The following TRPM3 variants were observed in gnomAD, a reference collection of about 807,000 sequenced individuals.
TRPM3 encodes the protein long transient receptor potential channel 3.
Under a neutral mutation model 181.2 loss-of-function variants are expected in TRPM3, and 77 were observed. That is an observed-to-expected ratio of 0.42 (90% CI 0.35 to 0.51). The LOEUF (loss-of-function observed/expected upper bound fraction) is 0.51, where lower values mean the gene tolerates loss of function less well. Among genes scored for constraint, TRPM3 ranks in the 20% least tolerant of loss-of-function variants. TRPM3 has a pLI of 0.01. For missense variants in TRPM3, 1,759 were observed against 2,196.7 expected (o/e 0.80, Z 3.98); for synonymous variants, 745 against 796.4 (o/e 0.94, Z 1.09).
At chr9:71,375,029 A>G (rs1028356400) in intron 1 of TRPM3, among the ~76,000 whole-genome samples, 1 of 152,220 alleles carries the variant, frequency 6.6e-6, no homozygotes, top group Non-Finnish European at 1.5e-5. Flanking sequence ...AAAGTAATAT[A>G]TAGATTCCAT....
chr9:70,550,289 TCTC>T (rs776174749), intron 24 of TRPM3, among the ~76,000 whole-genome samples: 2 of 152,140 alleles, frequency 1.3e-5, no homozygotes, highest in East Asian at 1.9e-4. Flanking sequence ...TTTTTCACCT[TCTC>T]CTCTTTTTCC....
intron 18 of TRPM3, among the ~76,000 whole-genome samples, chr9:70,614,990 C>T (rs1394566237): frequency 6.6e-6 from 1 of 152,160 alleles, no homozygotes; most frequent in Non-Finnish European, 1.5e-5. Flanking sequence ...TTCAGTAAGT[C>T]AGGGATTATG....
At chr9:70,817,555 G>T (rs1307461553) in intron 6 of TRPM3, among the ~76,000 whole-genome samples, 1 of 152,184 alleles carries the variant, frequency 6.6e-6, no homozygotes, top group African/African-American at 2.4e-5. Flanking sequence ...ATGGTTATAA[G>T]GTGTATCGAG....
intron 1 of TRPM3, among the ~76,000 whole-genome samples, chr9:71,358,280 A>C (rs1001127937): frequency 8.7e-4 from 132 of 152,264 alleles, no homozygotes; most frequent in African/African-American, 3.1e-3. Flanking sequence ...ATCTATAAAT[A>C]ATTCATTCAT....
intron 1 of TRPM3, among the ~76,000 whole-genome samples, chr9:71,262,884 A>C (rs1433233066): frequency 6.6e-6 from 1 of 151,078 alleles, no homozygotes; most frequent in Non-Finnish European, 1.5e-5. Flanking sequence ...CGGGTACTTC[A>C]GTTGGAAATG....
At chr9:71,151,281 A>G (rs1176636720) in intron 1 of TRPM3, among the ~76,000 whole-genome samples, 1 of 152,034 alleles carries the variant, frequency 6.6e-6, no homozygotes, top group Non-Finnish European at 1.5e-5. Flanking sequence ...CAATATGGAA[A>G]GAGTTTCAGT....
At chr9:70,627,198 CA>C (rs1234053278) in intron 12 of TRPM3, among the ~76,000 whole-genome samples, 4 of 149,456 alleles carry the variant, frequency 2.7e-5, no homozygotes, top group Admixed American at 2.7e-4. Context: ...TGGCTATCCT[CA>C]ATGGAGTGAG....
At chr9:71,304,741 G>T (rs146049258) in intron 1 of TRPM3, among the ~76,000 whole-genome samples, 1 of 152,128 alleles carries the variant, frequency 6.6e-6, no homozygotes, top group Non-Finnish European at 1.5e-5. Flanking sequence ...CTCTTGAGGC[G>T]CATTTAAATA....
chr9:71,052,117 T>C lies in TRPM3; in HGVS notation c.177+69061A>G, dbSNP rs180933046. 2.6e-3 allele frequency among the ~76,000 whole-genome samples: 394 copies of C among 152,204 alleles called. 1 individual carries two copies. The highest frequency in any genetic ancestry group is 2.3e-3 in the Non-Finnish European group (158 of 67,998). ...AATGGTAGATCAAAGATTCACAGCC[T>C]AGTGTCCCCAAAAATAGTTTTAAGA... On this transcript the variant is annotated intron_variant, in intron 1 of 25. Transcript: ENST00000677713.
At chr9:71,228,503 G>T (rs572559031) in intron 1 of TRPM3, among the ~76,000 whole-genome samples, 1 of 152,008 alleles carries the variant, frequency 6.6e-6, no homozygotes, top group African/African-American at 2.4e-5. Context: ...AGAAATAAAG[G>T]GTATCCAAAT....
At position 71,316,636 on chromosome 9, in the gene TRPM3, G is replaced by A. The variant is rs112359214; in HGVS notation, c.183+130017C>T. 5.5e-3 allele frequency among the ~76,000 whole-genome samples: 843 copies of A among 152,168 alleles called. 9 individuals are homozygous for A. Among genetic ancestry groups the A allele is most frequent in the African/African-American group, 0.019 (791 of 41,530 alleles). ...AGGCCATAAGCCAAGGAATGAAGGCGACCTCCAGAAGCTGAAAAAGGTAGA... is the reference window on the plus strand; with the variant it reads ...AGGCCATAAGCCAAGGAATGAAGGCAACCTCCAGAAGCTGAAAAAGGTAGA... On this transcript the variant is annotated intron_variant, in intron 1 of 24. Coordinates refer to the TRPM3 transcript ENST00000357533.
At chr9:71,425,847 G>C (rs747143799) in intron 1 of TRPM3, among the ~76,000 whole-genome samples, 1 of 151,914 alleles carries the variant, frequency 6.6e-6, no homozygotes, top group Non-Finnish European at 1.5e-5. Flanking sequence ...CTCCTTCTCT[G>C]GCTCCAGCCT....
chr9:70,947,647 G>C (rs915289554), intron 1 of TRPM3, among the ~76,000 whole-genome samples: 4 of 152,090 alleles, frequency 2.6e-5, no homozygotes, highest in East Asian at 1.9e-4. Context: ...CAGAGAAGGT[G>C]GGGGGATGGA....
intron 1 of TRPM3, among the ~76,000 whole-genome samples, chr9:71,156,376 GACACACACACACACACAC>G (rs71507025): frequency 2.1e-4 from 29 of 138,372 alleles, no homozygotes; most frequent in South Asian, 7.3e-4. Flanking sequence ...ATATACTACA[GACACACACACACACACAC>G]ACACACACAC....
At chr9:70,809,309 T>C (rs2091389888) in intron 6 of TRPM3, among the ~76,000 whole-genome samples, 1 of 152,226 alleles carries the variant, frequency 6.6e-6, no homozygotes, top group African/African-American at 2.4e-5. Context: ...AAATTTAGTA[T>C]AGCCTAATTA....
At chr9:71,131,775 T>C (rs887014927) in intron 1 of TRPM3, among the ~76,000 whole-genome samples, 1 of 152,106 alleles carries the variant, frequency 6.6e-6, no homozygotes, top group African/African-American at 2.4e-5. Context: ...AAACTGCAGG[T>C]AGAGAACAAC....
intron 1 of TRPM3, among the ~76,000 whole-genome samples, chr9:70,869,472 A>G (rs1240120728): frequency 2.0e-5 from 3 of 151,844 alleles, no homozygotes; most frequent in Non-Finnish European, 4.4e-5. Context: ...GAATGATCCT[A>G]GTGGTTGGAG....
chr9:71,178,948 G>C (rs548516059), intron 1 of TRPM3, among the ~76,000 whole-genome samples: 1 of 152,234 alleles, frequency 6.6e-6, no homozygotes, highest in African/African-American at 2.4e-5. Flanking sequence ...GAACTTAGAT[G>C]CTACAAATTA....
intron 9 of TRPM3, among the ~76,000 whole-genome samples, chr9:70,680,995 C>G (rs567160037): frequency 6.6e-6 from 1 of 152,124 alleles, no homozygotes; most frequent in African/African-American, 2.4e-5. Flanking sequence ...TTCCAGGAAG[C>G]TTAAATTTAA....
Sources: gnomAD v4.1 joint callset for allele counts (sites outside exome capture counted in the v4.1 genomes callset) on GRCh38, gnomAD v4.1.1 for gene constraint, MANE v1.5 for transcripts, NCBI Gene and HGNC (gene_info 2026-07-23, HGNC 2026-07-21) for gene names.